Variants in SCFD2 observed in about 807,000 individuals in gnomAD.
SCFD2 encodes sec1 family domain containing 2.
Under a neutral mutation model 58.9 loss-of-function variants are expected in SCFD2, and 54 were observed. That is an observed-to-expected ratio of 0.92 (90% CI 0.74 to 1.15). The LOEUF (loss-of-function observed/expected upper bound fraction) is 1.15. SCFD2 is among the 50% of genes most tolerant of loss of function. SCFD2 has a pLI of 0.00. For synonymous variants in SCFD2, 321 were observed against 335.9 expected (o/e 0.96, Z 0.49); for missense variants, 805 against 836.6 (o/e 0.96, Z 0.47).
chr4:53,149,277 CT>C (rs1479135805), intron 4 of SCFD2, among the ~76,000 whole-genome samples: 1 of 152,078 alleles, frequency 6.6e-6, no homozygotes, highest in Non-Finnish European at 1.5e-5. Flanking sequence ...TCTGCAAAGT[CT>C]TTTTTAAAAG....
At chr4:53,038,340 G>A (rs1560309524) in intron 5 of SCFD2, among the ~76,000 whole-genome samples, 1 of 152,100 alleles carries the variant, frequency 6.6e-6, no homozygotes. Context: ...CATGAAGCAG[G>A]AAATCTGCCA....
chr4:53,023,807 T>C (rs184271145), intron 5 of SCFD2, among the ~76,000 whole-genome samples: 87 of 152,308 alleles, frequency 5.7e-4, no homozygotes, highest in African/African-American at 2.0e-3. Flanking sequence ...CAGAGGTTTC[T>C]AGACTGAAAC....
intron 2 of SCFD2, among the ~76,000 whole-genome samples, chr4:53,346,388 C>T (rs1489164574): frequency 1.3e-5 from 2 of 151,560 alleles, no homozygotes; most frequent in East Asian, 3.9e-4. Context: ...GATTCTTCTG[C>T]CTCAGCCCCC....
chr4:53,145,614 A>G, intron 4 of SCFD2, 32 bp from the exon 5 acceptor site: 2 of 1,588,788 alleles, frequency 1.3e-6, no homozygotes, highest in Non-Finnish European at 1.7e-6. Context: ...AAATATGTCA[A>G]TCTTGTATAA....
intron 3 of SCFD2, among the ~76,000 whole-genome samples, chr4:53,284,307 G>A (rs1368562908): frequency 6.6e-6 from 1 of 151,364 alleles, no homozygotes; most frequent in Non-Finnish European, 1.5e-5. Flanking sequence ...CTTATTGATT[G>A]TTTATTTATC....
rs559351575 is a variant in SCFD2, at chr4:53,212,354, G to A, written c.1311+61472C>T. Among the ~76,000 whole-genome samples, 5 of 152,030 alleles carry A rather than the reference G, an allele frequency of 3.3e-5. No homozygotes were observed. In the South Asian group the frequency reaches 8.3e-4, roughly 25 times the overall value. Reference sequence around the variant, plus strand: ...GTGTAACTCTCAGAGCACCCAAAGTGACATAACCACAATGAAATCAATTAC... The same window carrying A: ...GTGTAACTCTCAGAGCACCCAAAGTAACATAACCACAATGAAATCAATTAC... On this transcript the variant is annotated intron_variant, in intron 4 of 8. Coordinates refer to ENST00000401642, the MANE Select transcript of SCFD2 (RefSeq NM_152540.4).
intron 5 of SCFD2, among the ~76,000 whole-genome samples, chr4:52,962,823 GA>G (rs1720882075): frequency 6.6e-6 from 1 of 152,100 alleles, no homozygotes; most frequent in Non-Finnish European, 1.5e-5. Flanking sequence ...TCTTTGAAAT[GA>G]AGTCGAATCC....
chr4:53,271,583 C>T (rs532860818), intron 4 of SCFD2, among the ~76,000 whole-genome samples: 1 of 152,132 alleles, frequency 6.6e-6, no homozygotes, highest in South Asian at 2.1e-4. Flanking sequence ...CTGCCTCAGC[C>T]TCCCGAGTAG....
At chr4:53,087,100 C>A (rs1399014521) in intron 5 of SCFD2, among the ~76,000 whole-genome samples, 1 of 152,058 alleles carries the variant, frequency 6.6e-6, no homozygotes, top group Non-Finnish European at 1.5e-5. Flanking sequence ...GTGATTATTG[C>A]TTATTGCATG....
chr4:53,169,854 A>G (rs1344707956), intron 4 of SCFD2, among the ~76,000 whole-genome samples: 1 of 152,132 alleles, frequency 6.6e-6, no homozygotes, highest in Non-Finnish European at 1.5e-5. Flanking sequence ...ATATCTGTTC[A>G]GGTCCCATTC....
chr4:53,236,737 T>C (rs1577876371), intron 4 of SCFD2, among the ~76,000 whole-genome samples: 1 of 150,982 alleles, frequency 6.6e-6, no homozygotes, highest in East Asian at 1.9e-4. Context: ...TATATTGCTT[T>C]AAAAATAATA....
intron 5 of SCFD2, among the ~76,000 whole-genome samples, chr4:52,985,718 G>A (rs938066735): frequency 1.0e-5 from 1 of 99,214 alleles, no homozygotes; most frequent in African/African-American, 2.9e-5. Context: ...ATTTTAGAAG[G>A]TCCAAATATC....
chr4:52,910,860 A>C (rs542878804), intron 6 of SCFD2, among the ~76,000 whole-genome samples: 44 of 152,212 alleles, frequency 2.9e-4, no homozygotes, highest in African/African-American at 1.1e-3. Flanking sequence ...TTTGCTCAGC[A>C]CTTATCCCTG....
chr4:52,994,832 T>C (rs1484967716), intron 5 of SCFD2, among the ~76,000 whole-genome samples: 1 of 152,146 alleles, frequency 6.6e-6, no homozygotes, highest in East Asian at 1.9e-4. Context: ...ATACACTATA[T>C]TTATCATCAT....
chr4:53,203,417 G>T (rs1728313380), intron 4 of SCFD2, among the ~76,000 whole-genome samples: 1 of 151,848 alleles, frequency 6.6e-6, no homozygotes, highest in African/African-American at 2.4e-5. Flanking sequence ...AGATCTGTAA[G>T]TTGGATTTTC....
At chr4:53,127,584 TGGAGGTTCAGAGA>T (rs1330233028) in intron 5 of SCFD2, among the ~76,000 whole-genome samples, 1 of 152,200 alleles carries the variant, frequency 6.6e-6, no homozygotes, top group African/African-American at 2.4e-5. Context: ...TGAGCTGGTC[TGGAGGTTCAGAGA>T]AGGCTGATCT....
intron 7 of SCFD2, among the ~76,000 whole-genome samples, chr4:52,897,945 A>G (rs989387213): frequency 6.6e-6 from 1 of 152,122 alleles, no homozygotes; most frequent in Non-Finnish European, 1.5e-5. Flanking sequence ...ATTTGCGCAG[A>G]GGTGTTTATA....
At chr4:53,222,812 T>C (rs1481047165) in intron 4 of SCFD2, among the ~76,000 whole-genome samples, 1 of 152,214 alleles carries the variant, frequency 6.6e-6, no homozygotes, top group East Asian at 1.9e-4. Context: ...TTGTATTGTG[T>C]CCTATCTGGT....
chr4:53,302,036 G>T (rs372038155), intron 3 of SCFD2, among the ~76,000 whole-genome samples: 104 of 152,056 alleles, frequency 6.8e-4, no homozygotes, highest in Middle Eastern at 3.4e-3. Flanking sequence ...CTTTGAAAAC[G>T]GGCACAAGAC....
Sources: allele counts gnomAD v4.1 joint callset (sites outside exome capture counted in the v4.1 genomes callset), GRCh38; gene constraint gnomAD v4.1.1; transcripts MANE v1.5; gene names NCBI Gene and HGNC (gene_info 2026-07-23, HGNC 2026-07-21).